Variants in FNDC3B observed in about 807,000 individuals in gnomAD.
FNDC3B encodes the protein fibronectin type III domain-containing protein 3B.
Under a neutral mutation model 151.5 loss-of-function variants are expected in FNDC3B, and 12 were observed. That is an observed-to-expected ratio of 0.08 (90% CI 0.05 to 0.13). FNDC3B has a LOEUF of 0.13. FNDC3B is among the 10% of genes least tolerant of loss of function. The probability of loss-of-function intolerance (pLI) is 1.00; values close to 1 mark genes in which losing one functional copy is unlikely to be tolerated. For synonymous variants in FNDC3B, 528 were observed against 549.0 expected, an observed-to-expected ratio of 0.96 and a Z score of 0.54; for missense variants, 1,214 against 1,505.3, an observed-to-expected ratio of 0.81 and a Z score of 3.20.
rs556291091 is a variant in FNDC3B, at chr3:172,085,550, C to T, written c.-28-26902C>T. Among the ~76,000 whole-genome samples the T allele has an allele frequency of 1.4e-4, 21 of 152,266 alleles. No individual in the cohort carries two copies. The South Asian group carries it at 1.7e-3, about 12-fold the overall frequency. The stretch of plus-strand genomic sequence containing the variant: ...TAATTTTTAAATATGAAGAAATATT[C>T]AGCCATGTTTTTTGAAAGGAAATAA... On this transcript the variant is annotated intron_variant, in intron 1 of 25. Coordinates refer to ENST00000415807, the MANE Select transcript of FNDC3B (RefSeq NM_022763.4).
Position 172,103,749 on chromosome 3 carries a change from G to A in FNDC3B, c.-28-8703G>A, listed in dbSNP as rs531138348. On this transcript the variant is annotated intron_variant, in intron 1 of 25. Coordinates refer to ENST00000415807, the MANE Select transcript of FNDC3B (RefSeq NM_022763.4). The stretch of plus-strand genomic sequence containing the variant: ...ACTAAATCTTTTATGCTTATAATTG[G>A]ATGTAAAACGCAAGAACGTTTTTAA... Among the ~76,000 whole-genome samples, 9 of 152,250 alleles carry A rather than the reference G, an allele frequency of 5.9e-5. No homozygotes were observed. The East Asian group carries it at 1.7e-3, about 29-fold the overall frequency.
At chr3:172,378,944 CT>C (rs1188554209) in intron 24 of FNDC3B, among the ~76,000 whole-genome samples, 1 of 152,224 alleles carries the variant, frequency 6.6e-6, no homozygotes, top group African/African-American at 2.4e-5. Context: ...AGGATGACTA[CT>C]TTCCTACTCT....
At chr3:172,326,134 C>A (rs1732331750) in intron 11 of FNDC3B, among the ~76,000 whole-genome samples, 1 of 152,176 alleles carries the variant, frequency 6.6e-6, no homozygotes, top group Non-Finnish European at 1.5e-5. Flanking sequence ...CCCAGATATG[C>A]CTTTTGTATT....
chr3:172,298,763 G>C lies in FNDC3B; in HGVS notation c.1037G>C (p.Arg346Thr). The C allele has an allele frequency of 6.2e-7, 1 of 1,608,672 alleles. No individual in the cohort carries two copies. Among genetic ancestry groups the C allele is most frequent in the South Asian group, 1.1e-5 (1 of 90,004 alleles). Residue 346 changes from arginine to threonine, a missense_variant, in exon 9 of 26, where the codon AGA (arginine) becomes ACA (threonine). Physicochemically the swap from Arg to Thr is moderately conservative, Grantham distance 71. Coordinates refer to ENST00000415807, the MANE Select transcript of FNDC3B (RefSeq NM_022763.4). ...EELECNLKDL[R>T]PATDYHVRVY... ...TTAGAATGTAACCTGAAAGATCTTA[G>C]ACCAGCAACAGATTATCATGTGAGG...
intron 4 of FNDC3B, among the ~76,000 whole-genome samples, chr3:172,234,645 AC>A (rs1045690075): frequency 2.0e-5 from 3 of 152,200 alleles, no homozygotes; most frequent in African/African-American, 7.2e-5. Flanking sequence ...TCACCTCTAT[AC>A]AAAAATGATA....
chr3:172,039,956 G>C (rs1479158209), intron 1 of FNDC3B, among the ~76,000 whole-genome samples, 185 bp downstream of exon 1: 1 of 152,182 alleles, frequency 6.6e-6, no homozygotes, highest in African/African-American at 2.4e-5. Flanking sequence ...GTGCTCGCCT[G>C]GGCACCCCGG....
chr3:172,250,919 C>T (rs1728030157), intron 5 of FNDC3B, among the ~76,000 whole-genome samples: 2 of 152,100 alleles, frequency 1.3e-5, no homozygotes, highest in Admixed American at 1.3e-4. Flanking sequence ...AGGGTTCAAG[C>T]GATTCTCCTG....
At chr3:172,055,931 CCA>C (rs1716890800) in intron 1 of FNDC3B, among the ~76,000 whole-genome samples, 1 of 152,156 alleles carries the variant, frequency 6.6e-6, no homozygotes, top group Admixed American at 6.5e-5. Context: ...TAGGCGCCCG[CCA>C]CCACGCCCGG....
At chr3:172,298,649 A>C (rs1187396077) in intron 8 of FNDC3B, 79 bp from the exon 9 acceptor site, 3 of 855,892 alleles carry the variant, frequency 3.5e-6, no homozygotes, top group Non-Finnish European at 3.8e-6. Context: ...TTGTCAGTAC[A>C]TTACTGGACA....
chr3:172,365,644 C>T (rs1734586360), intron 23 of FNDC3B, among the ~76,000 whole-genome samples: 1 of 152,108 alleles, frequency 6.6e-6, no homozygotes, highest in South Asian at 2.1e-4. Flanking sequence ...TTCTGGCTTA[C>T]AATACTGAAG....
At chr3:172,367,236 G>A (rs1734674140) in intron 23 of FNDC3B, among the ~76,000 whole-genome samples, 1 of 151,690 alleles carries the variant, frequency 6.6e-6, no homozygotes, top group Non-Finnish European at 1.5e-5. Flanking sequence ...ATAGAACTAA[G>A]TTCATTTCAA....
chr3:172,129,707 T>C (rs1424175976), intron 2 of FNDC3B, among the ~76,000 whole-genome samples: 3 of 152,234 alleles, frequency 2.0e-5, no homozygotes, highest in African/African-American at 7.2e-5. Flanking sequence ...TTGAAACAGA[T>C]CTGATGAAGC....
chr3:172,330,863 C>G, intron 13 of FNDC3B, 148 bp downstream of exon 13: 1 of 605,692 alleles, frequency 1.7e-6, no homozygotes, highest in East Asian at 3.0e-5. Context: ...CAACACCGGC[C>G]TGTTCTTTCC....
intron 1 of FNDC3B, among the ~76,000 whole-genome samples, chr3:172,098,100 A>G (rs1034264274): frequency 6.6e-6 from 1 of 152,174 alleles, no homozygotes; most frequent in African/African-American, 2.4e-5. Flanking sequence ...TAATGGCCGT[A>G]AGATAACACT....
At position 172,251,525 on chromosome 3, in the gene FNDC3B, T is replaced by C; in HGVS notation, c.774T>C (p.Asn258=). 1 of 1,611,870 alleles carries C rather than the reference T, an allele frequency of 6.2e-7. No individual in the cohort carries two copies. The highest frequency in any genetic ancestry group is 8.5e-7 in the Non-Finnish European group (1 of 1,178,636). Residue 258 remains asparagine, a synonymous_variant, in exon 6 of 26, where the codon AAT becomes AAC. Transcript: ENST00000415807. Reference sequence around the variant, plus strand: ...GAGCAAGAAGCAGCCCAAAGTCGAATGATTCAGACTTGCAAGGTAATACTC... The same window carrying C: ...GAGCAAGAAGCAGCCCAAAGTCGAACGATTCAGACTTGCAAGGTAATACTC... ...ERRARSSPKS[N]DSDLQEYELE... is the part of the protein sequence containing the mutation.
chr3:172,316,098 C>T (rs1385941491), intron 11 of FNDC3B, among the ~76,000 whole-genome samples: 2 of 145,662 alleles, frequency 1.4e-5, no homozygotes, highest in African/African-American at 5.0e-5. Flanking sequence ...ACCTCTGTCT[C>T]TCAGGTTCAA....
Position 172,057,629 on chromosome 3 carries a change from TG to T in FNDC3B, c.-29+17859del, listed in dbSNP as rs1576824257. 4.0e-5 allele frequency among the ~76,000 whole-genome samples: 6 copies of T among 151,832 alleles called. No homozygotes were observed. In the East Asian group the frequency reaches 1.2e-3, roughly 29 times the overall value. On this transcript the variant is annotated intron_variant, in intron 1 of 25. Transcript: ENST00000415807. The stretch of plus-strand genomic sequence containing the variant: ...AGGGATCGAAGCCTGTCTTGCTCTA[TG>T]AGAGTGAATGAGCTAGTGTTAGACT...
chr3:172,051,678 G>A (rs1159466927), intron 1 of FNDC3B, among the ~76,000 whole-genome samples: 1 of 152,102 alleles, frequency 6.6e-6, no homozygotes, highest in Non-Finnish European at 1.5e-5. Flanking sequence ...TTGGAACATG[G>A]CCTATATTTG....
Position 172,330,709 on chromosome 3 carries a change from T to C in FNDC3B, c.1548T>C (p.Asp516=), listed in dbSNP as rs147159768. 5.0e-6 allele frequency: 8 copies of C among 1,612,550 alleles called. No homozygotes were observed. Among genetic ancestry groups the C allele is most frequent in the Non-Finnish European group, 5.1e-6 (6 of 1,178,812 alleles). Residue 516 remains aspartate (D), a synonymous_variant, in exon 13 of 26, where the codon GAT becomes GAC. Transcript: ENST00000415807. ...VITYTLEIQE[D]ENDNLFHPKY... is the part of the protein sequence containing the mutation. Reference sequence around the variant, plus strand: ...CCTACACCTTGGAAATTCAGGAGGATGAAAATGTGAGTTTTACAGATTTTA... The same window carrying C: ...CCTACACCTTGGAAATTCAGGAGGACGAAAATGTGAGTTTTACAGATTTTA...
Sources: allele counts gnomAD v4.1 joint callset (sites outside exome capture counted in the v4.1 genomes callset), GRCh38; gene constraint gnomAD v4.1.1; transcripts MANE v1.5; gene names NCBI Gene and HGNC (gene_info 2026-07-23, HGNC 2026-07-21).